The following RTL4 variants were observed in gnomAD, a reference collection of about 807,000 sequenced individuals.
RTL4 encodes retrotransposon Gag-like protein 4.
RTL4 carries 4 observed loss-of-function variants against 5.3 expected under a neutral mutation model. The observed-to-expected ratio is 0.75, with a 90% CI of 0.37 to 1.72. The LOEUF is 1.72. Ranked by LOEUF, RTL4 falls within the 40% of genes most tolerant of loss-of-function variation. The pLI is 0.04. For synonymous variants in RTL4, 98 were observed against 87.3 expected, an observed-to-expected ratio of 1.12 and a Z score of -0.68; for missense variants, 260 against 227.1, an observed-to-expected ratio of 1.14 and a Z score of -0.93.
the RTL4 span, among the ~76,000 whole-genome samples, chrX:112,160,396 CATCTT>C: frequency 8.9e-6 from 1 of 112,046 alleles, no homozygotes; most frequent in African/African-American, 3.2e-5. Flanking sequence ...GTCACATAAT[CATCTT>C]ATTTATTCAT....
chrX:112,329,075 A>G, the RTL4 span, among the ~76,000 whole-genome samples: 5 of 110,829 alleles, frequency 4.5e-5, no homozygotes, highest in African/African-American at 1.6e-4. Context: ...CAAAATTGAC[A>G]CCCTAACATC....
At chrX:112,169,272 G>A in the RTL4 span, among the ~76,000 whole-genome samples, 1 of 108,213 alleles carries the variant, frequency 9.2e-6, no homozygotes. Context: ...GTGCCACTAC[G>A]CCTGTCTAAT....
At chrX:112,306,603 A>G in the RTL4 span, among the ~76,000 whole-genome samples, 1 of 111,260 alleles carries the variant, frequency 9.0e-6, no homozygotes, top group Admixed American at 9.6e-5. Flanking sequence ...AATTGGTTCA[A>G]ACAGATAGCG....
At chrX:112,379,417 A>G in the RTL4 span, among the ~76,000 whole-genome samples, 2 of 112,103 alleles carry the variant, frequency 1.8e-5, no homozygotes, top group Non-Finnish European at 3.8e-5. Flanking sequence ...TCAAGAGAAG[A>G]TTTTCCCTCT....
At chrX:112,269,119 G>T in the RTL4 span, among the ~76,000 whole-genome samples, 1 of 112,202 alleles carries the variant, frequency 8.9e-6, no homozygotes, top group Non-Finnish European at 1.9e-5. Context: ...AGCTATGAAA[G>T]TTGTGGGCTA....
At chrX:112,282,887 T>C in the RTL4 span, among the ~76,000 whole-genome samples, 1 of 111,958 alleles carries the variant, frequency 8.9e-6, no homozygotes, top group Non-Finnish European at 1.9e-5. Flanking sequence ...TGACATAAGA[T>C]ACCATGTAGA....
the RTL4 span, among the ~76,000 whole-genome samples, chrX:112,298,357 C>T: frequency 4.5e-5 from 5 of 111,563 alleles, no homozygotes; most frequent in African/African-American, 3.3e-5. Context: ...TTAGTTATTA[C>T]GAAAGAAAGA....
chrX:112,274,009 G>A, the RTL4 span, among the ~76,000 whole-genome samples: 2,262 of 111,791 alleles, frequency 0.02, 53 homozygotes, highest in African/African-American at 0.069. Flanking sequence ...TGTGAGATAG[G>A]TATTAGTACA....
At chrX:112,229,644 T>C in the RTL4 span, among the ~76,000 whole-genome samples, 4 of 112,028 alleles carry the variant, frequency 3.6e-5, no homozygotes, top group South Asian at 1.5e-3. Context: ...ACACTAAAGA[T>C]AATGGTTGAG....
chrX:112,306,512 G>T, the RTL4 span, among the ~76,000 whole-genome samples: 1 of 111,573 alleles, frequency 9.0e-6, no homozygotes, highest in Admixed American at 9.6e-5. Context: ...CCTGCCCGAG[G>T]TCACACAGGT....
chrX:112,249,199 C>T, the RTL4 span, among the ~76,000 whole-genome samples: 3 of 112,247 alleles, frequency 2.7e-5, no homozygotes, highest in East Asian at 5.6e-4. Flanking sequence ...TTTATGGGCA[C>T]TTGCTTCGGA....
chrX:112,089,628 C>A, the RTL4 span, among the ~76,000 whole-genome samples: 4 of 111,518 alleles, frequency 3.6e-5, no homozygotes, highest in Non-Finnish European at 3.8e-5. Flanking sequence ...CCATACCACA[C>A]CGTTTTTATT....
chrX:112,160,558 G>A, the RTL4 span, among the ~76,000 whole-genome samples: 209 of 112,078 alleles, frequency 1.9e-3, no homozygotes, highest in African/African-American at 6.3e-3. Context: ...GTACTGTAGT[G>A]AAAGTACATA....
At chrX:112,443,386 A>G in the RTL4 span, among the ~76,000 whole-genome samples, 2 of 111,940 alleles carry the variant, frequency 1.8e-5, no homozygotes, top group South Asian at 7.5e-4. Context: ...CAGAGCTACA[A>G]CAAACATGGG....
At chrX:112,354,490 C>T in the RTL4 span, among the ~76,000 whole-genome samples, 3 of 111,563 alleles carry the variant, frequency 2.7e-5, no homozygotes, top group African/African-American at 9.7e-5. Flanking sequence ...TTGGTTTTCA[C>T]AGCGTTTATT....
chrX:112,183,364 C>T, the RTL4 span, among the ~76,000 whole-genome samples: 1 of 111,989 alleles, frequency 8.9e-6, no homozygotes, highest in Non-Finnish European at 1.9e-5. Flanking sequence ...AAGACACAGA[C>T]TTGCAAACTG....
At chrX:112,132,509 A>T in the RTL4 span, among the ~76,000 whole-genome samples, 8 of 100,597 alleles carry the variant, frequency 8.0e-5, 1 homozygote, top group Admixed American at 6.9e-4. Flanking sequence ...CCAGAAAAAT[A>T]CACATACATA....
chrX:112,321,432 A>G, the RTL4 span, among the ~76,000 whole-genome samples: 1 of 107,762 alleles, frequency 9.3e-6, no homozygotes, highest in Non-Finnish European at 1.9e-5. Flanking sequence ...GCTACTCGGG[A>G]GGCTGAGGCA....
chrX:112,440,047 G>T, the RTL4 span, among the ~76,000 whole-genome samples: 2 of 111,661 alleles, frequency 1.8e-5, no homozygotes, highest in Non-Finnish European at 3.8e-5. Context: ...CAGAAAAAAA[G>T]ATGGAAGAAA....
Sources: gnomAD v4.1 joint callset for allele counts (sites outside exome capture counted in the v4.1 genomes callset) on GRCh38, gnomAD v4.1.1 for gene constraint, MANE v1.5 for transcripts, NCBI Gene and HGNC (gene_info 2026-07-23, HGNC 2026-07-21) for gene names.